The following ULK4 variants were observed in gnomAD, a reference collection of about 807,000 sequenced individuals.
ULK4 encodes the protein unc-51 like kinase 4.
In ULK4, 133 loss-of-function variants were observed where a neutral mutation model predicts 160.6. That is an observed-to-expected ratio of 0.83 (90% CI 0.72 to 0.96). ULK4 has a LOEUF of 0.96. Ranked by LOEUF, ULK4 falls within the 40% of genes least tolerant of loss-of-function variation. ULK4 has a pLI of 0.00. For synonymous variants in ULK4, 534 were observed against 539.8 expected (o/e 0.99, Z 0.15); for missense variants, 1,580 against 1,499.5 (o/e 1.05, Z -0.89).
At chr3:41,823,382 G>A (rs1162328701) in intron 18 of ULK4, among the ~76,000 whole-genome samples, 1 of 152,188 alleles carries the variant, frequency 6.6e-6, no homozygotes, top group Admixed American at 6.5e-5. Flanking sequence ...AAAGGGCCCA[G>A]AAGGTAATTA....
chr3:41,541,383 C>T (rs1262989233), intron 32 of ULK4, among the ~76,000 whole-genome samples: 1 of 152,134 alleles, frequency 6.6e-6, no homozygotes, highest in African/African-American at 2.4e-5. Context: ...TTCCATTGGT[C>T]TATATACCTG....
chr3:41,935,475 C>T (rs1157490531), intron 4 of ULK4, among the ~76,000 whole-genome samples: 1 of 151,796 alleles, frequency 6.6e-6, no homozygotes, highest in Non-Finnish European at 1.5e-5. Flanking sequence ...GTGATCCGCC[C>T]GCCTCAGCCT....
intron 29 of ULK4, among the ~76,000 whole-genome samples, chr3:41,674,873 TTGAG>T (rs2035657050): frequency 6.6e-6 from 1 of 152,170 alleles, no homozygotes; most frequent in East Asian, 1.9e-4. Context: ...GCACCATGGG[TTGAG>T]TAATTGCCCC....
chr3:41,882,034 C>T (rs1276187774), intron 17 of ULK4: 3 of 587,926 alleles, frequency 5.1e-6, no homozygotes, highest in Non-Finnish European at 9.1e-6. Context: ...GCCATCACAT[C>T]ACCCAGGGTG....
intron 34 of ULK4, among the ~76,000 whole-genome samples, chr3:41,398,797 T>G (rs2082119727): frequency 6.6e-6 from 1 of 152,026 alleles, no homozygotes; most frequent in African/African-American, 2.4e-5. Context: ...AAAAAGTTTT[T>G]TTTATTATTT....
intron 30 of ULK4, among the ~76,000 whole-genome samples, chr3:41,627,042 A>T (rs1032455997): frequency 6.6e-6 from 1 of 152,216 alleles, no homozygotes; most frequent in African/African-American, 2.4e-5. Context: ...TCAGAGAGAT[A>T]AAGAAGTGGG....
intron 2 of ULK4, among the ~76,000 whole-genome samples, chr3:41,950,827 A>G (rs1700267429): frequency 6.6e-6 from 1 of 152,156 alleles, no homozygotes; most frequent in South Asian, 2.1e-4. Flanking sequence ...AAAACTACAA[A>G]AAACTTCTGA....
At chr3:41,520,657 C>T (rs1024925071) in intron 32 of ULK4, among the ~76,000 whole-genome samples, 9 of 152,098 alleles carry the variant, frequency 5.9e-5, no homozygotes. Flanking sequence ...AGCGGCTGAA[C>T]CATTTTACAT....
intron 27 of ULK4, among the ~76,000 whole-genome samples, chr3:41,695,756 C>T (rs960462652): frequency 6.6e-6 from 1 of 152,052 alleles, no homozygotes; most frequent in African/African-American, 2.4e-5. Flanking sequence ...TATAAAACAA[C>T]AAGAGTTATA....
At chr3:41,611,777 C>G (rs2032691728) in intron 31 of ULK4, among the ~76,000 whole-genome samples, 1 of 152,088 alleles carries the variant, frequency 6.6e-6, no homozygotes, top group African/African-American at 2.4e-5. Context: ...GTAGAGGATA[C>G]TGTCTGATTT....
chr3:41,860,731 T>TA (rs2042481001), intron 17 of ULK4, among the ~76,000 whole-genome samples: 1 of 152,218 alleles, frequency 6.6e-6, no homozygotes, highest in African/African-American at 2.4e-5. Flanking sequence ...TTATTATTGA[T>TA]AAGTAAGGAC....
intron 20 of ULK4, among the ~76,000 whole-genome samples, chr3:41,797,346 T>C (rs1188562327): frequency 6.6e-6 from 1 of 152,122 alleles, no homozygotes; most frequent in Non-Finnish European, 1.5e-5. Context: ...AAAAGAATGA[T>C]GCAAATGGAT....
chr3:41,546,767 TAAAAA>T (rs1158675738), intron 32 of ULK4, among the ~76,000 whole-genome samples: 1 of 32,538 alleles, frequency 3.1e-5, no homozygotes, highest in Non-Finnish European at 7.2e-5. Context: ...CCTAGGCCCT[TAAAAA>T]AAAAAAAAAA....
intron 32 of ULK4, among the ~76,000 whole-genome samples, chr3:41,526,673 G>A (rs2086128139): frequency 6.6e-6 from 1 of 152,196 alleles, no homozygotes; most frequent in South Asian, 2.1e-4. Context: ...CAGGACTGCA[G>A]CACTTGTTTG....
chr3:41,947,552 C>T (rs76739851), intron 2 of ULK4, among the ~76,000 whole-genome samples: 8,624 of 152,202 alleles, frequency 0.057, 448 homozygotes, highest in East Asian at 0.16. Flanking sequence ...CAGATCTGAA[C>T]CAACTATAGA....
chr3:41,372,667 T>C (rs1478542667), intron 35 of ULK4, among the ~76,000 whole-genome samples: 1 of 152,188 alleles, frequency 6.6e-6, no homozygotes, highest in African/African-American at 2.4e-5. Context: ...GAAAAGCCAG[T>C]ACCAGCCACT....
rs1288406536 is a variant in ULK4 at position 41,273,482 on chromosome 3, G to A, written c.3679-23908C>T. ...TGATCAGTACTGCTGAAATACTCAA[G>A]AGAAACCATCCATACATTTCCAGGG... On this transcript the variant is annotated intron_variant, in intron 35 of 36. Coordinates refer to ENST00000301831, the MANE Select transcript of ULK4 (RefSeq NM_017886.4). Among the ~76,000 whole-genome samples the A allele has an allele frequency of 3.9e-5, 6 of 152,266 alleles. No homozygotes were observed. The South Asian group carries it at 1.2e-3, about 32-fold the overall frequency.
chr3:41,770,374 T>G (rs116720027), intron 21 of ULK4, among the ~76,000 whole-genome samples: 1,941 of 152,268 alleles, frequency 0.013, 33 homozygotes, highest in African/African-American at 0.044. Flanking sequence ...CTTTCCATGT[T>G]GACTGGGGAA....
At chr3:41,491,149 G>A (rs754975794) in intron 32 of ULK4, among the ~76,000 whole-genome samples, 8 of 152,112 alleles carry the variant, frequency 5.3e-5, no homozygotes, top group Non-Finnish European at 8.8e-5. Flanking sequence ...GAGGCAGACG[G>A]CCTTAAACAA....
Sources: allele counts gnomAD v4.1 joint callset (sites outside exome capture counted in the v4.1 genomes callset), GRCh38; gene constraint gnomAD v4.1.1; transcripts MANE v1.5; gene names NCBI Gene and HGNC (gene_info 2026-07-23, HGNC 2026-07-21).